UNC13B: variants seen among roughly 807,000 people sequenced by gnomAD.
The protein encoded by UNC13B is protein unc-13 homolog B.
UNC13B carries 144 observed loss-of-function variants against 211.0 expected under a neutral mutation model. The ratio of observed to expected loss-of-function variants is 0.68; its 90% confidence interval spans 0.60 to 0.78. UNC13B has a LOEUF of 0.78. UNC13B is among the 30% of genes least tolerant of loss of function. The pLI is 0.00. For synonymous variants in UNC13B, 709 were observed against 725.8 expected, an observed-to-expected ratio of 0.98 and a Z score of 0.37; for missense variants, 1,777 against 2,002.0, an observed-to-expected ratio of 0.89 and a Z score of 2.14.
intron 1 of UNC13B, among the ~76,000 whole-genome samples, chr9:35,182,284 A>G (rs2131302216): frequency 6.6e-6 from 1 of 151,810 alleles, no homozygotes; most frequent in South Asian, 2.1e-4. Context: ...TTAACTTAAT[A>G]TTCTTTCTCA....
chr9:35,403,081 T>G, intron 37 of UNC13B, 86 bp from the exon 38 acceptor site: 1 of 1,166,206 alleles, frequency 8.6e-7, no homozygotes, highest in Non-Finnish European at 1.3e-6. Flanking sequence ...TTCTTGCTTT[T>G]GGGTATAGGG....
At chr9:35,175,963 T>C (rs1393021621) in intron 1 of UNC13B, among the ~76,000 whole-genome samples, 1 of 148,344 alleles carries the variant, frequency 6.7e-6, no homozygotes, top group African/African-American at 2.5e-5. Flanking sequence ...AAAGCAGAGG[T>C]TGCGGTGAGC....
chr9:35,289,240 G>A (rs1828961294), intron 7 of UNC13B, among the ~76,000 whole-genome samples: 2 of 152,122 alleles, frequency 1.3e-5, no homozygotes, highest in African/African-American at 4.8e-5. Context: ...CTCAAGTACT[G>A]AAAACAGCCT....
chr9:35,178,430 G>A (rs1821754399), intron 1 of UNC13B, among the ~76,000 whole-genome samples: 1 of 152,018 alleles, frequency 6.6e-6, no homozygotes, highest in Non-Finnish European at 1.5e-5. Flanking sequence ...CCAGGAGGCG[G>A]AGGTTGCAGT....
At position 35,253,286 on chromosome 9, in the gene UNC13B, C is replaced by T. The variant is rs376763942; in HGVS notation, c.469-5707C>T. ...CTTCCCAAGTAGCAGAGACTACAGG[C>T]ACACATCACCGCACCTAGCTAGTTT... On this transcript the variant is annotated intron_variant, in intron 6 of 39. Coordinates refer to ENST00000635942, the MANE Select transcript of UNC13B (RefSeq NM_001371189.2). Among the ~76,000 whole-genome samples the T allele has an allele frequency of 1.5e-4, 23 of 152,186 alleles. No homozygotes were observed. The East Asian group carries it at 3.7e-3, about 24-fold the overall frequency.
intron 7 of UNC13B, among the ~76,000 whole-genome samples, chr9:35,293,614 G>A (rs192158357): frequency 1.5e-3 from 232 of 152,310 alleles, no homozygotes; most frequent in African/African-American, 5.4e-3. Context: ...TTAAGTCTGA[G>A]TGGCATATGG....
At chr9:35,396,994 A>G (rs1835926379) in intron 28 of UNC13B, 57 bp downstream of exon 28, 3 of 1,609,540 alleles carry the variant, frequency 1.9e-6, no homozygotes, top group Non-Finnish European at 2.6e-6. Flanking sequence ...GCAATTAGCT[A>G]TTGGCAGAAG....
chr9:35,381,060 G>GTTGCA (rs1430587132), intron 18 of UNC13B, 40 bp from the exon 19 acceptor site: 4 of 1,584,070 alleles, frequency 2.5e-6, no homozygotes, highest in Non-Finnish European at 3.5e-6. Flanking sequence ...ATGCTGTCTA[G>GTTGCA]TTGCATTGGT....
chr9:35,399,685 C>T lies in UNC13B; in HGVS notation c.12292C>T (p.Pro4098Ser), dbSNP rs772001681. ...ACGAGAGGAAACACGGAATCTCACT[C>T]CAAAGCAGTGTGCAGTCCTTGACCT... Reference protein sequence around the residue: ...MVREETRNLTPKQCAVLDLAL... With the variant: ...MVREETRNLTSKQCAVLDLAL... Residue 4098 changes from proline (P) to serine (S), a missense_variant, in exon 36 of 40, where the codon CCA (proline) becomes TCA (serine). By Grantham distance (74) the Pro-to-Ser change is moderately conservative. Transcript: ENST00000635942. 3.1e-6 allele frequency: 5 copies of T among 1,614,096 alleles called. No individual in the cohort carries two copies. Among genetic ancestry groups the T allele is most frequent in the South Asian group, 2.2e-5 (2 of 91,078 alleles).
rs1055297929 is a variant in UNC13B, at chr9:35,197,796, C to T, written c.23-30219C>T. On this transcript the variant is annotated intron_variant, in intron 1 of 39. Coordinates refer to ENST00000635942, the MANE Select transcript of UNC13B (RefSeq NM_001371189.2). The stretch of plus-strand genomic sequence containing the variant: ...TCCTGCTCCAACCGGGTAAGATGTG[C>T]CTGCTTCCCCTTTGCCTTCCGCCAT... Among the ~76,000 whole-genome samples, 5 of 152,254 alleles carry T rather than the reference C, an allele frequency of 3.3e-5. No homozygotes were observed. The South Asian group carries it at 8.3e-4, about 25-fold the overall frequency.
In UNC13B at chr9:35,384,241, C is replaced by T; in HGVS notation, c.10807-5C>T. On this transcript the variant is annotated splice_polypyrimidine_tract_variant and splice_region_variant and intron_variant, in intron 21 of 39. Transcript: ENST00000635942. ...TCTTCCCCTTTATTTGTTTCTCACC[C>T]TCAGAAAGAGAGATTTGTAAAACTG... 6.2e-7 allele frequency: 1 copy of T among 1,613,994 alleles called. No homozygotes were observed. The highest frequency in any genetic ancestry group is 8.5e-7 in the Non-Finnish European group (1 of 1,179,934).
At chr9:35,209,619 C>T (rs1823855521) in intron 1 of UNC13B, among the ~76,000 whole-genome samples, 1 of 152,160 alleles carries the variant, frequency 6.6e-6, no homozygotes, top group African/African-American at 2.4e-5. Context: ...CTCAAGTGAT[C>T]CGCCCACCTC....
At chr9:35,381,823 G>A in intron 20 of UNC13B, 104 bp downstream of exon 20, 12 of 1,421,222 alleles carry the variant, frequency 8.4e-6, no homozygotes, top group Non-Finnish European at 1.2e-5. Flanking sequence ...AGCATGCAGT[G>A]ATTCCTTTAC....
intron 3 of UNC13B, among the ~76,000 whole-genome samples, chr9:35,232,177 C>CTTTTTTTTTTTTTTGTTTTTTTT (rs1825246936): frequency 3.2e-5 from 1 of 31,536 alleles, no homozygotes; most frequent in African/African-American, 1.2e-4. Context: ...TATATTGCTG[C>CTTTTTTTTTTTTTTGTTTTTTTT]TTTTTTTTTT....
intron 1 of UNC13B, among the ~76,000 whole-genome samples, chr9:35,216,824 G>A (rs139753780): frequency 6.6e-6 from 1 of 152,206 alleles, no homozygotes; most frequent in Admixed American, 6.5e-5. Flanking sequence ...AAAGACAGTT[G>A]GCATATTGGA....
At chr9:35,256,261 A>C (rs1291426152) in intron 6 of UNC13B, among the ~76,000 whole-genome samples, 2 of 152,118 alleles carry the variant, frequency 1.3e-5, no homozygotes, top group African/African-American at 4.8e-5. Context: ...AGGATATTGC[A>C]TTACACTTAG....
chr9:35,238,490 G>T (rs957978874), intron 5 of UNC13B, among the ~76,000 whole-genome samples: 2 of 151,598 alleles, frequency 1.3e-5, no homozygotes, highest in African/African-American at 4.8e-5. Flanking sequence ...CCTGAACATC[G>T]CTCCATGTTA....
intron 11 of UNC13B, among the ~76,000 whole-genome samples, chr9:35,344,122 G>A (rs915925047): frequency 1.3e-5 from 2 of 152,092 alleles, no homozygotes; most frequent in African/African-American, 4.8e-5. Context: ...GGTAGGGGAT[G>A]GGAGCCCTGT....
chr9:35,327,496 T>C (rs1009728851), intron 11 of UNC13B, among the ~76,000 whole-genome samples: 42 of 152,048 alleles, frequency 2.8e-4, no homozygotes, highest in Non-Finnish European at 1.0e-4. Context: ...AGGAAGCAAA[T>C]GTCCACATGG....
Sources: allele counts gnomAD v4.1 joint callset (sites outside exome capture counted in the v4.1 genomes callset), GRCh38; gene constraint gnomAD v4.1.1; transcripts MANE v1.5; gene names NCBI Gene and HGNC (gene_info 2026-07-23, HGNC 2026-07-21).